The following SGCZ variants were observed in gnomAD, a reference collection of about 807,000 sequenced individuals.
SGCZ encodes zeta-sarcoglycan.
SGCZ carries 40 observed loss-of-function variants against 41.3 expected under a neutral mutation model. The ratio of observed to expected loss-of-function variants is 0.97; its 90% CI spans 0.75 to 1.26. SGCZ has a LOEUF of 1.26. Ranked by LOEUF, SGCZ falls within the 50% of genes most tolerant of loss-of-function variation. The pLI is 0.00. For missense variants in SGCZ, 552 were observed against 369.8 expected (o/e 1.49, Z -4.04); for synonymous variants, 206 against 137.5 (o/e 1.50, Z -3.49).
chr8:14,977,405 T>C (rs1012507232), intron 1 of SGCZ, among the ~76,000 whole-genome samples: 8 of 152,248 alleles, frequency 5.3e-5, no homozygotes, highest in Non-Finnish European at 4.4e-5. Context: ...TTACTTAATA[T>C]GCTGAAAAAC....
At chr8:14,256,094 A>G (rs1274647627) in intron 3 of SGCZ, among the ~76,000 whole-genome samples, 1 of 152,088 alleles carries the variant, frequency 6.6e-6, no homozygotes, top group Non-Finnish European at 1.5e-5. Flanking sequence ...TGTTTAATAG[A>G]TATATTTTAG....
intron 1 of SGCZ, among the ~76,000 whole-genome samples, chr8:14,769,855 GA>G (rs35255411): frequency 0.37 from 49,782 of 134,278 alleles, 10,373 homozygotes; most frequent in East Asian, 0.52. Context: ...CTTCTTGCTG[GA>G]AAAAAAAAAT....
chr8:14,537,187 G>C (rs564984566), intron 2 of SGCZ, among the ~76,000 whole-genome samples: 19 of 151,998 alleles, frequency 1.3e-4, no homozygotes, highest in African/African-American at 4.3e-4. Context: ...GACTTCAGAA[G>C]TCTAATCAGA....
At chr8:14,568,444 G>GGA (rs1283550107) in intron 1 of SGCZ, among the ~76,000 whole-genome samples, 20 of 127,790 alleles carry the variant, frequency 1.6e-4, no homozygotes, top group Non-Finnish European at 3.1e-4. Context: ...TACATTATCA[G>GGA]AAAAAAAAAA....
At chr8:14,869,992 T>C (rs891268239) in intron 1 of SGCZ, among the ~76,000 whole-genome samples, 10 of 152,166 alleles carry the variant, frequency 6.6e-5, no homozygotes, top group African/African-American at 2.4e-4. Context: ...ATTGTTAAAA[T>C]GGCCATACTG....
intron 1 of SGCZ, among the ~76,000 whole-genome samples, chr8:15,031,907 C>CTA (rs1433333614): frequency 7.7e-6 from 1 of 129,932 alleles, no homozygotes; most frequent in East Asian, 2.1e-4. Context: ...ATATTCCTCT[C>CTA]TCTCTCTCTC....
intron 1 of SGCZ, among the ~76,000 whole-genome samples, chr8:14,695,351 C>T (rs1808925065): frequency 6.6e-6 from 1 of 151,872 alleles, no homozygotes; most frequent in African/African-American, 2.4e-5. Flanking sequence ...TGTATTGCAA[C>T]TAATTAAAGC....
At chr8:14,716,292 C>T (rs1336089614) in intron 1 of SGCZ, among the ~76,000 whole-genome samples, 3 of 151,880 alleles carry the variant, frequency 2.0e-5, no homozygotes, top group African/African-American at 7.3e-5. Context: ...AAAATAGGAG[C>T]CCATGATTTA....
In SGCZ at chr8:15,079,853, T is replaced by C. The variant is rs559150213; in HGVS notation, c.39+157732A>G. Reference sequence around the variant, plus strand: ...CCCAAGTAGGGAACATAGTACCCGATAGGTAACTTTTCAATCCTTTCTTCT... The same window carrying C: ...CCCAAGTAGGGAACATAGTACCCGACAGGTAACTTTTCAATCCTTTCTTCT... On this transcript the variant is annotated intron_variant, in intron 1 of 7. Transcript: ENST00000382080. Among the ~76,000 whole-genome samples, 12 of 152,258 alleles carry C rather than the reference T, an allele frequency of 7.9e-5. No individual in the cohort carries two copies. The South Asian group carries it at 1.2e-3, about 16-fold the overall frequency.
At chr8:14,510,121 A>T (rs966126165) in intron 2 of SGCZ, among the ~76,000 whole-genome samples, 2 of 152,176 alleles carry the variant, frequency 1.3e-5, no homozygotes, top group African/African-American at 4.8e-5. Flanking sequence ...CTTTCAAGAA[A>T]AGAAATTTCC....
chr8:14,948,075 G>A (rs556724342), intron 1 of SGCZ, among the ~76,000 whole-genome samples: 9 of 152,282 alleles, frequency 5.9e-5, no homozygotes, highest in African/African-American at 1.9e-4. Context: ...ACAGACCATA[G>A]GAGGTACAGG....
chr8:14,204,015 A>C (rs1387025005), intron 4 of SGCZ, among the ~76,000 whole-genome samples: 2 of 151,988 alleles, frequency 1.3e-5, no homozygotes, highest in Non-Finnish European at 2.9e-5. Context: ...AATATTCATA[A>C]ATATATGGAG....
At chr8:14,961,633 A>G (rs1471059937) in intron 1 of SGCZ, among the ~76,000 whole-genome samples, 1 of 152,336 alleles carries the variant, frequency 6.6e-6, no homozygotes, top group Non-Finnish European at 1.5e-5. Flanking sequence ...AACATAGTAC[A>G]TATAGGGTCC....
chr8:15,155,859 A>G lies in SGCZ; in HGVS notation c.39+81726T>C, dbSNP rs181594694. Among the ~76,000 whole-genome samples the G allele has an allele frequency of 9.2e-3, 1,396 of 152,194 alleles. 12 individuals carry two copies. The highest frequency in any genetic ancestry group is 0.015 in the Non-Finnish European group (1,028 of 68,006). On this transcript the variant is annotated intron_variant, in intron 1 of 7. Coordinates refer to ENST00000382080, the MANE Select transcript of SGCZ (RefSeq NM_139167.4). Reference sequence around the variant, plus strand: ...GACTGCCTGAGCTCAGGAGCTCGAGATCAGCCTGGACAACATGGCGAAACT... The same window carrying G: ...GACTGCCTGAGCTCAGGAGCTCGAGGTCAGCCTGGACAACATGGCGAAACT...
At chr8:14,228,524 T>C (rs1806452461) in intron 4 of SGCZ, among the ~76,000 whole-genome samples, 1 of 152,216 alleles carries the variant, frequency 6.6e-6, no homozygotes, top group African/African-American at 2.4e-5. Context: ...AATTATCAAA[T>C]TAATAAAATG....
At chr8:15,077,457 T>C (rs990980327) in intron 1 of SGCZ, among the ~76,000 whole-genome samples, 9 of 152,242 alleles carry the variant, frequency 5.9e-5, no homozygotes, top group African/African-American at 2.2e-4. Context: ...TAGACAATCC[T>C]TAACTTTTTA....
chr8:14,471,344 TATAGAA>T (rs1481230033), intron 2 of SGCZ, among the ~76,000 whole-genome samples: 1 of 152,136 alleles, frequency 6.6e-6, no homozygotes, highest in African/African-American at 2.4e-5. Context: ...AAATCATACT[TATAGAA>T]ATAGTACTAT....
intron 1 of SGCZ, among the ~76,000 whole-genome samples, chr8:15,046,727 C>G (rs1236443091): frequency 1.3e-5 from 2 of 151,902 alleles, no homozygotes; most frequent in Admixed American, 6.6e-5. Context: ...GCAGACATAG[C>G]TAAGATAAAG....
rs544072286 is a variant in SGCZ, at chr8:14,155,529, T to G, written c.547+9051A>C. Among the ~76,000 whole-genome samples, 5 of 152,220 alleles carry G rather than the reference T, an allele frequency of 3.3e-5. 1 individual carries two copies. In the South Asian group the frequency reaches 1.0e-3, roughly 32 times the overall value. ...TTAGTCTCATCATCCATTGATAATT[T>G]TGCCTGAGATAAATACTACTCAGAT... On this transcript the variant is annotated intron_variant, in intron 5 of 7. Coordinates refer to ENST00000382080, the MANE Select transcript of SGCZ (RefSeq NM_139167.4).
Sources: allele counts gnomAD v4.1 joint callset (sites outside exome capture counted in the v4.1 genomes callset), GRCh38; gene constraint gnomAD v4.1.1; transcripts MANE v1.5; gene names NCBI Gene and HGNC (gene_info 2026-07-23, HGNC 2026-07-21).